The following RSPH1 variants were observed in gnomAD, a reference collection of about 807,000 sequenced individuals.
RSPH1 encodes the protein radial spoke head 1 homolog.
Under a neutral mutation model 44.2 loss-of-function variants are expected in RSPH1, and 32 were observed. The ratio of observed to expected loss-of-function variants is 0.72; its 90% confidence interval spans 0.55 to 0.97. The LOEUF (loss-of-function observed/expected upper bound fraction) is 0.97, where lower values mean the gene tolerates loss of function less well. RSPH1 is among the 50% of genes least tolerant of loss of function. RSPH1 has a pLI of 0.00. For missense variants in RSPH1, 391 were observed against 398.7 expected (o/e 0.98, Z 0.16); for synonymous variants, 134 against 147.3 (o/e 0.91, Z 0.65).
chr21:42,490,802 C>G (rs1013201010), intron 3 of RSPH1, among the ~76,000 whole-genome samples: 2 of 152,166 alleles, frequency 1.3e-5, no homozygotes, highest in African/African-American at 4.8e-5. Flanking sequence ...CAAGATGGGA[C>G]TGAACACCAG....
At chr21:42,487,490 T>C (rs182678166) in intron 3 of RSPH1, among the ~76,000 whole-genome samples, 56 of 152,366 alleles carry the variant, frequency 3.7e-4, no homozygotes, top group African/African-American at 1.3e-3. Flanking sequence ...ATGGTTGCCA[T>C]ATGGAGAAGC....
chr21:42,478,223 G>T (rs926881032), intron 6 of RSPH1, among the ~76,000 whole-genome samples: 4 of 152,230 alleles, frequency 2.6e-5, no homozygotes, highest in Non-Finnish European at 5.9e-5. Flanking sequence ...CTATGACTAT[G>T]GAACACTTCG....
intron 1 of RSPH1, among the ~76,000 whole-genome samples, chr21:42,495,190 T>C (rs1166718745): frequency 6.6e-6 from 1 of 152,230 alleles, no homozygotes; most frequent in Non-Finnish European, 1.5e-5. Flanking sequence ...ACTGGCTGTC[T>C]GGCCGGATGT....
intron 3 of RSPH1, among the ~76,000 whole-genome samples, chr21:42,490,885 C>A (rs1211063404): frequency 6.6e-6 from 1 of 152,036 alleles, no homozygotes; most frequent in Non-Finnish European, 1.5e-5. Context: ...AAGGAAGGGG[C>A]CAGAGATTAA....
chr21:42,494,457 T>C (rs1375398344), intron 1 of RSPH1, among the ~76,000 whole-genome samples: 1 of 152,184 alleles, frequency 6.6e-6, no homozygotes, highest in Non-Finnish European at 1.5e-5. Flanking sequence ...AGGGTTAGTT[T>C]ACATCAAAAT....
In RSPH1 at chr21:42,492,872, C is replaced by T. The variant is rs1379530031; in HGVS notation, c.169-9G>A. On this transcript the variant is annotated splice_polypyrimidine_tract_variant and intron_variant, in intron 2 of 8. Transcript: ENST00000291536. ...TTAAATTTGTAGATCCCCTGAAACA[C>T]ATTGATTATATCATTCATATCATTG... is the stretch of plus-strand genomic sequence containing the variant. 6.3e-7 allele frequency: 1 copy of T among 1,592,508 alleles called. No homozygotes were observed. Among genetic ancestry groups the T allele is most frequent in the Non-Finnish European group, 8.6e-7 (1 of 1,160,582 alleles).
At chr21:42,482,805 T>C (rs1015910662) in intron 5 of RSPH1, 97 bp from the exon 6 acceptor site, 13 of 816,644 alleles carry the variant, frequency 1.6e-5, no homozygotes, top group South Asian at 9.7e-5. Flanking sequence ...AATCACCAAA[T>C]TGGGTAAAGT....
intron 3 of RSPH1, 37 bp from the exon 4 acceptor site, chr21:42,486,498 A>G (rs762870128): frequency 9.0e-6 from 13 of 1,444,972 alleles, no homozygotes; most frequent in Admixed American, 8.4e-5. Flanking sequence ...CCAGGTGAGA[A>G]GAAGGGATCG....
Position 42,493,054 on chromosome 21 carries a change from G to A in RSPH1, c.80C>T (p.Ala27Val). Residue 27 changes from alanine (A) to valine (V), a missense_variant, in exon 2 of 9, where the codon GCA (alanine) becomes GTA (valine). By Grantham distance (64) the Ala-to-Val change is moderately conservative. Coordinates refer to ENST00000291536, the MANE Select transcript of RSPH1 (RefSeq NM_080860.4). ...IGEYEGGRNE[A>V]GERHGRGRAR... is the part of the protein sequence containing the mutation. Reference sequence around the variant, plus strand: ...CCTCCCACGTCCGTGCCTTTCGCCTGCCTCATTCCGACCCCCCTCATATTC... The same window carrying A: ...CCTCCCACGTCCGTGCCTTTCGCCTACCTCATTCCGACCCCCCTCATATTC... The A allele has an allele frequency of 6.2e-7, 1 of 1,614,070 alleles. No individual in the cohort carries two copies. Among genetic ancestry groups the A allele is most frequent in the Non-Finnish European group, 8.5e-7 (1 of 1,179,992 alleles).
At chr21:42,491,169 T>A (rs1318379673) in intron 3 of RSPH1, among the ~76,000 whole-genome samples, 1 of 152,160 alleles carries the variant, frequency 6.6e-6, no homozygotes, top group Non-Finnish European at 1.5e-5. Context: ...GAACCCCCAA[T>A]TTGTAGCCGA....
intron 3 of RSPH1, among the ~76,000 whole-genome samples, chr21:42,491,143 G>A (rs2054232072): frequency 2.0e-5 from 3 of 152,162 alleles, no homozygotes; most frequent in Admixed American, 1.3e-4. Flanking sequence ...TATCAAACCT[G>A]AGTAGGGTGT....
chr21:42,486,941 G>T (rs1213564199), intron 3 of RSPH1, among the ~76,000 whole-genome samples: 1 of 152,206 alleles, frequency 6.6e-6, no homozygotes, highest in African/African-American at 2.4e-5. Flanking sequence ...AATGTTTAGA[G>T]ATCCAGCAAC....
At chr21:42,489,624 G>A (rs753633417) in intron 3 of RSPH1, among the ~76,000 whole-genome samples, 1 of 152,198 alleles carries the variant, frequency 6.6e-6, no homozygotes, top group Non-Finnish European at 1.5e-5. Flanking sequence ...GAGAGAAGGA[G>A]CCCACACTTA....
intron 6 of RSPH1, among the ~76,000 whole-genome samples, chr21:42,478,852 T>G (rs943238514): frequency 1.3e-5 from 2 of 152,152 alleles, no homozygotes; most frequent in African/African-American, 4.8e-5. Flanking sequence ...TCGTGCTAAA[T>G]GAAAGAAGCC....
chr21:42,489,800 T>A (rs1165255620), intron 3 of RSPH1, among the ~76,000 whole-genome samples: 1 of 152,282 alleles, frequency 6.6e-6, no homozygotes, highest in Admixed American at 6.5e-5. Flanking sequence ...AAGACTGAAA[T>A]GAAAATTGGA....
intron 6 of RSPH1, among the ~76,000 whole-genome samples, chr21:42,481,827 C>A (rs932614792): frequency 1.3e-5 from 2 of 152,098 alleles, no homozygotes; most frequent in Admixed American, 6.5e-5. Context: ...TGCCTTATAA[C>A]GGCAATATTA....
rs751078674 is a variant in RSPH1 at position 42,472,824 on chromosome 21, C to A, written c.924G>T (p.Gln308His). ...CCTCTCGGCTCACTTCATCTTAGTCCTGGAGGTCTGACTGTCTAGTTTCTT... is the reference window on the plus strand; with the variant it reads ...CCTCTCGGCTCACTTCATCTTAGTCATGGAGGTCTGACTGTCTAGTTTCTT... ...EEEETRQSDL[Q>H]D Residue 308 changes from glutamine (Q) to histidine (H), a missense_variant, in exon 9 of 9, where the codon CAG becomes CAT. Transcript: ENST00000291536. The A allele has an allele frequency of 1.9e-6, 3 of 1,610,198 alleles. No homozygotes were observed. The East Asian group carries it at 6.7e-5, about 36-fold the overall frequency.
chr21:42,476,956 C>T lies in RSPH1; in HGVS notation c.727+335G>A, dbSNP rs547012121. Among the ~76,000 whole-genome samples the T allele has an allele frequency of 2.0e-5, 3 of 152,012 alleles. No individual in the cohort carries two copies. The South Asian group carries it at 6.3e-4, about 32-fold the overall frequency. On this transcript the variant is annotated intron_variant, in intron 7 of 8. Coordinates refer to ENST00000291536, the MANE Select transcript of RSPH1 (RefSeq NM_080860.4). ...CTCCCACAGCCCAAAGGCGCCCACA[C>T]CCTCCATCCCACAGCCTGGGGATGC...
In RSPH1 at chr21:42,485,823, A is replaced by G. The variant is rs754784035; in HGVS notation, c.366-19T>C. 1 of 1,614,058 alleles carries G rather than the reference A, an allele frequency of 6.2e-7. No individual in the cohort carries two copies. Among genetic ancestry groups the G allele is most frequent in the Non-Finnish European group, 8.5e-7 (1 of 1,180,000 alleles). On this transcript the variant is annotated intron_variant, in intron 4 of 8. Coordinates refer to ENST00000291536, the MANE Select transcript of RSPH1 (RefSeq NM_080860.4). The stretch of plus-strand genomic sequence containing the variant: ...CCCATGCCTGGTTAAGACAAGGGGA[A>G]CATGGTATTTCGTTCCAGCACAGTG...
Sources: gnomAD v4.1 joint callset for allele counts (sites outside exome capture counted in the v4.1 genomes callset) on GRCh38, gnomAD v4.1.1 for gene constraint, MANE v1.5 for transcripts, NCBI Gene and HGNC (gene_info 2026-07-23, HGNC 2026-07-21) for gene names.